Variants in MAP2K6 observed in about 807,000 individuals in gnomAD.
MAP2K6 encodes mitogen-activated protein kinase kinase 6.
MAP2K6 carries 16 observed loss-of-function variants against 53.7 expected under a neutral mutation model. The ratio of observed to expected loss-of-function variants is 0.30; its 90% CI spans 0.20 to 0.45. The LOEUF is 0.45. MAP2K6 is among the 20% of genes least tolerant of loss of function. MAP2K6 has a pLI of 1.00. For synonymous variants in MAP2K6, 132 were observed against 143.1 expected, an observed-to-expected ratio of 0.92 and a Z score of 0.55; for missense variants, 204 against 411.9, an observed-to-expected ratio of 0.50 and a Z score of 4.37.
At chr17:69,520,412 A>C in intron 6 of MAP2K6, 26 bp downstream of exon 6, 1 of 1,354,040 alleles carries the variant, frequency 7.4e-7, no homozygotes, top group Non-Finnish European at 1.0e-6. Context: ...TCCCTACTGC[A>C]AGGATAATGT....
rs570914180 is a variant in MAP2K6, at chr17:69,432,286, G to GC, written c.16+17287dup. On this transcript the variant is annotated intron_variant, in intron 1 of 11. Coordinates refer to ENST00000590474, the MANE Select transcript of MAP2K6 (RefSeq NM_002758.4). ...TACTCCAGATATATCATTTAACCCA[G>GC]CATTCCCATTACTGGGTATATACCC... Among the ~76,000 whole-genome samples the GC allele has an allele frequency of 1.6e-3, 242 of 152,254 alleles. 3 individuals are homozygous for GC. Among genetic ancestry groups the GC allele is most frequent in the African/African-American group, 5.5e-3 (228 of 41,546 alleles).
chr17:69,418,583 C>T (rs1905977139), intron 1 of MAP2K6, among the ~76,000 whole-genome samples: 2 of 152,038 alleles, frequency 1.3e-5, no homozygotes, highest in Non-Finnish European at 2.9e-5. Flanking sequence ...AAAACTAAGT[C>T]TATTTCGTTC....
intron 1 of MAP2K6, among the ~76,000 whole-genome samples, chr17:69,479,328 T>A (rs974540667): frequency 2.6e-5 from 4 of 152,084 alleles, no homozygotes; most frequent in African/African-American, 9.7e-5. Context: ...AGCACCAACA[T>A]CATGCCACAA....
intron 1 of MAP2K6, among the ~76,000 whole-genome samples, chr17:69,463,320 C>T (rs527420610): frequency 6.8e-6 from 1 of 148,108 alleles, no homozygotes; most frequent in South Asian, 2.1e-4. Context: ...ATATATATCA[C>T]TATATAATAG....
At chr17:69,492,166 T>C (rs1255400416) in intron 1 of MAP2K6, among the ~76,000 whole-genome samples, 1 of 152,228 alleles carries the variant, frequency 6.6e-6, no homozygotes, top group East Asian at 1.9e-4. Flanking sequence ...TTAGATCCTG[T>C]TTGTCAATTT....
chr17:69,512,677 G>T (rs201104439), intron 2 of MAP2K6, among the ~76,000 whole-genome samples: 2 of 152,204 alleles, frequency 1.3e-5, no homozygotes, highest in East Asian at 3.9e-4. Flanking sequence ...AATATTAATT[G>T]TTGAAAGAGG....
At position 69,517,535 on chromosome 17, in the gene MAP2K6, A is replaced by G. The variant is rs1328494114; in HGVS notation, c.168A>G (p.Ile56Met). The G allele has an allele frequency of 1.9e-6, 3 of 1,610,900 alleles. No individual in the cohort carries two copies. Among genetic ancestry groups the G allele is most frequent in the Non-Finnish European group, 2.5e-6 (3 of 1,178,302 alleles). The change falls in exon 4 of 12, where the codon ATA becomes ATG. Residue 56 changes from isoleucine to methionine, a missense_variant. This residue lies in a region of MAP2K6 where 129 missense variants were observed against 247.1 expected (regional missense o/e 0.52). Coordinates refer to ENST00000590474, the MANE Select transcript of MAP2K6 (RefSeq NM_002758.4). ...TGAAGGCAGATGACCTGGAGCCTAT[A>G]ATGGAACTGGGACGAGGTGCGTACG... ...FEVKADDLEPIMELGRGAYGV... is the reference protein window; with the variant it reads ...FEVKADDLEPMMELGRGAYGV...
intron 1 of MAP2K6, among the ~76,000 whole-genome samples, chr17:69,484,728 A>G (rs1908465414): frequency 6.6e-6 from 1 of 152,170 alleles, no homozygotes; most frequent in South Asian, 2.1e-4. Context: ...TATACAATGG[A>G]ATATTTTCAG....
At chr17:69,449,848 C>A (rs1907149493) in intron 1 of MAP2K6, among the ~76,000 whole-genome samples, 1 of 151,584 alleles carries the variant, frequency 6.6e-6, no homozygotes, top group East Asian at 2.0e-4. Flanking sequence ...CTCCTGACCT[C>A]GTGATCCGCC....
At chr17:69,511,008 C>T (rs773840661) in intron 2 of MAP2K6, among the ~76,000 whole-genome samples, 3 of 152,108 alleles carry the variant, frequency 2.0e-5, no homozygotes, top group Non-Finnish European at 4.4e-5. Flanking sequence ...AGGAGTCTTA[C>T]ATCCCTTCCC....
intron 1 of MAP2K6, among the ~76,000 whole-genome samples, chr17:69,423,898 T>G (rs1265475681): frequency 6.6e-6 from 1 of 152,232 alleles, no homozygotes; most frequent in East Asian, 1.9e-4. Flanking sequence ...TATTGTTTTT[T>G]ATCATCACTT....
At chr17:69,528,994 T>C (rs1910938049) in intron 10 of MAP2K6, among the ~76,000 whole-genome samples, 1 of 152,062 alleles carries the variant, frequency 6.6e-6, no homozygotes, top group African/African-American at 2.4e-5. Context: ...CTATTACCTT[T>C]CTCCCACCTA....
intron 8 of MAP2K6, among the ~76,000 whole-genome samples, chr17:69,524,356 T>A (rs1910650295): frequency 6.6e-6 from 1 of 151,622 alleles, no homozygotes; most frequent in Non-Finnish European, 1.5e-5. Context: ...GGCAGTTAGA[T>A]TAGTTATGAG....
intron 1 of MAP2K6, among the ~76,000 whole-genome samples, chr17:69,451,474 A>G (rs1907223077): frequency 1.3e-5 from 2 of 152,208 alleles, no homozygotes; most frequent in African/African-American, 4.8e-5. Context: ...GCAGGGAAGA[A>G]ACATGGTCAG....
At chr17:69,446,256 A>G (rs1228624234) in intron 1 of MAP2K6, among the ~76,000 whole-genome samples, 1 of 152,242 alleles carries the variant, frequency 6.6e-6, no homozygotes, top group African/African-American at 2.4e-5. Context: ...ACAGTTTTCC[A>G]TTAAGCAACA....
intron 1 of MAP2K6, among the ~76,000 whole-genome samples, chr17:69,496,314 C>T (rs1299882568): frequency 1.3e-5 from 2 of 150,996 alleles, no homozygotes; most frequent in Non-Finnish European, 2.9e-5. Flanking sequence ...CTCTGTCTCC[C>T]AGGCTGGAGT....
At chr17:69,427,813 C>T (rs1906321467) in intron 1 of MAP2K6, among the ~76,000 whole-genome samples, 1 of 152,158 alleles carries the variant, frequency 6.6e-6, no homozygotes, top group Admixed American at 6.5e-5. Context: ...CCTGAATGAG[C>T]CTCTATTTTT....
Position 69,414,860 on chromosome 17 carries a change from A to G in MAP2K6, c.-125A>G. 1 of 832,006 alleles carries G rather than the reference A, an allele frequency of 1.2e-6. No homozygotes were observed. Among genetic ancestry groups the G allele is most frequent in the Non-Finnish European group, 2.0e-6 (1 of 498,070 alleles). 51.5% of individuals were successfully genotyped at this position (832,006 alleles called of 1,614,324 possible). A position where few individuals can be genotyped will look rare whatever the true frequency, so the allele number is the denominator to read the frequency against. On this transcript the variant is annotated 5_prime_UTR_variant, in exon 1 of 12. Transcript: ENST00000590474. ...GAAAGTCCATCTGCTGCATCGGTCAAGAGAAACTCCACTTGCATGAAGATT... is the reference window on the plus strand; with the variant it reads ...GAAAGTCCATCTGCTGCATCGGTCAGGAGAAACTCCACTTGCATGAAGATT...
intron 4 of MAP2K6, among the ~76,000 whole-genome samples, chr17:69,518,369 C>A (rs1259595093): frequency 6.6e-6 from 1 of 152,080 alleles, no homozygotes; most frequent in African/African-American, 2.4e-5. Context: ...TCATAGATCT[C>A]TTTTATTCTA....
Sources: gnomAD v4.1 joint callset for allele counts (sites outside exome capture counted in the v4.1 genomes callset) on GRCh38, gnomAD v4.1.1 for gene constraint, gnomAD v4.1.1 regional missense constraint, MANE v1.5 for transcripts, NCBI Gene and HGNC (gene_info 2026-07-23, HGNC 2026-07-21) for gene names.